Variants in KHDRBS2 observed in about 807,000 individuals in gnomAD.
KHDRBS2 encodes KH RNA binding domain containing, signal transduction associated 2, also known as KH domain-containing, RNA-binding, signal transduction-associated protein 2.
A neutral mutation model predicts 44.3 loss-of-function variants in KHDRBS2; 26 were observed. That is an observed-to-expected ratio of 0.59 (90% CI 0.43 to 0.81). KHDRBS2 has a LOEUF of 0.81. Among genes scored for constraint, KHDRBS2 ranks in the 40% least tolerant of loss-of-function variants. The pLI, the probability that KHDRBS2 is intolerant of heterozygous loss-of-function variation, is 0.00. For synonymous variants in KHDRBS2, 194 were observed against 151.1 expected (o/e 1.28, Z -2.08); for missense variants, 476 against 433.1 (o/e 1.10, Z -0.88).
At chr6:62,082,332 T>TGTGTGC (rs1797562408) in intron 2 of KHDRBS2, among the ~76,000 whole-genome samples, 1 of 151,830 alleles carries the variant, frequency 6.6e-6, no homozygotes, top group Admixed American at 6.6e-5. Flanking sequence ...TGTGTGTGTG[T>TGTGTGC]GTGTGTGAAC....
At chr6:62,157,619 G>T (rs147426638) in intron 2 of KHDRBS2, among the ~76,000 whole-genome samples, 1 of 152,106 alleles carries the variant, frequency 6.6e-6, no homozygotes, top group African/African-American at 2.4e-5. Context: ...TGAGTCAGAG[G>T]TCTAATACAT....
intron 2 of KHDRBS2, among the ~76,000 whole-genome samples, chr6:62,115,125 T>G (rs1805908524): frequency 6.6e-6 from 1 of 152,162 alleles, no homozygotes; most frequent in Admixed American, 6.6e-5. Flanking sequence ...CACAAAGAAA[T>G]GTAAATTCTC....
At chr6:62,217,527 T>C (rs1042076703) in intron 1 of KHDRBS2, among the ~76,000 whole-genome samples, 6 of 151,834 alleles carry the variant, frequency 4.0e-5, no homozygotes, top group Non-Finnish European at 8.8e-5. Flanking sequence ...ATATGGTAAA[T>C]GTGATTTATA....
chr6:61,708,266 G>T (rs1199073176), intron 7 of KHDRBS2, among the ~76,000 whole-genome samples: 2 of 151,410 alleles, frequency 1.3e-5, no homozygotes, highest in African/African-American at 2.4e-5. Context: ...CACATTTTAA[G>T]TATAGGAATA....
intron 3 of KHDRBS2, among the ~76,000 whole-genome samples, chr6:62,041,797 CTT>C (rs1383017198): frequency 2.6e-5 from 4 of 151,988 alleles, no homozygotes; most frequent in African/African-American, 9.7e-5. Context: ...TAATATATAA[CTT>C]TGATTCAAAA....
chr6:61,773,137 G>C (rs1003751138), intron 6 of KHDRBS2, among the ~76,000 whole-genome samples: 2 of 151,122 alleles, frequency 1.3e-5, no homozygotes, highest in Admixed American at 1.3e-4. Context: ...ATGATTTATA[G>C]TCCTTTGGGT....
At chr6:62,019,810 T>C (rs1164244609) in intron 3 of KHDRBS2, among the ~76,000 whole-genome samples, 1 of 152,020 alleles carries the variant, frequency 6.6e-6, no homozygotes. Context: ...ATTGAGAATT[T>C]ATTTTTCTCT....
chr6:62,203,997 C>G (rs780110228), intron 1 of KHDRBS2, among the ~76,000 whole-genome samples: 49 of 152,230 alleles, frequency 3.2e-4, no homozygotes, highest in Middle Eastern at 3.4e-3. Flanking sequence ...CTGCCTTCCC[C>G]TCTGCTCCGC....
intron 6 of KHDRBS2, among the ~76,000 whole-genome samples, chr6:61,784,743 T>C (rs1783521449): frequency 6.6e-6 from 1 of 152,168 alleles, no homozygotes; most frequent in South Asian, 2.1e-4. Flanking sequence ...AAAAATGTTT[T>C]CTTAAAAAAT....
At chr6:62,234,540 G>A (rs1833401325) in intron 1 of KHDRBS2, among the ~76,000 whole-genome samples, 1 of 151,948 alleles carries the variant, frequency 6.6e-6, no homozygotes, top group Non-Finnish European at 1.5e-5. Context: ...TAAACAATGG[G>A]TTTAAAAATA....
intron 5 of KHDRBS2, among the ~76,000 whole-genome samples, chr6:61,898,444 A>G (rs1312847532): frequency 6.6e-6 from 1 of 152,004 alleles, no homozygotes; most frequent in East Asian, 1.9e-4. Context: ...ATTGTAACAT[A>G]TAATTACATA....
intron 3 of KHDRBS2, among the ~76,000 whole-genome samples, chr6:61,998,505 T>C (rs1777639220): frequency 6.6e-6 from 1 of 152,114 alleles, no homozygotes; most frequent in Non-Finnish European, 1.5e-5. Context: ...GGGCCAAACA[T>C]GCCAAATTTC....
intron 2 of KHDRBS2, among the ~76,000 whole-genome samples, chr6:62,052,756 C>T: frequency 6.6e-6 from 1 of 152,002 alleles, no homozygotes; most frequent in South Asian, 2.1e-4. Flanking sequence ...GGGTTCCACT[C>T]CTGTGAGAAT....
chr6:61,827,352 T>C (rs1274343568), intron 6 of KHDRBS2, among the ~76,000 whole-genome samples: 1 of 152,162 alleles, frequency 6.6e-6, no homozygotes, highest in Non-Finnish European at 1.5e-5. Context: ...AGTGTTGCTC[T>C]TTGGGGAAGG....
intron 2 of KHDRBS2, among the ~76,000 whole-genome samples, chr6:62,145,872 T>C (rs1365426606): frequency 7.9e-5 from 12 of 151,916 alleles, no homozygotes. Context: ...AAATATTGTA[T>C]AAAATTACCT....
At chr6:61,639,098 A>G in the KHDRBS2 span, among the ~76,000 whole-genome samples, 2 of 152,150 alleles carry the variant, frequency 1.3e-5, no homozygotes, top group African/African-American at 4.8e-5. Flanking sequence ...GGAATACATA[A>G]ACAGTTTTTT....
At chr6:61,724,220 T>G (rs6940736) in intron 7 of KHDRBS2, among the ~76,000 whole-genome samples, 54,464 of 151,850 alleles carry the variant, frequency 0.36, 10,481 homozygotes, top group East Asian at 0.48. Context: ...CAAACTAAGC[T>G]TCATAAATGA....
intron 3 of KHDRBS2, among the ~76,000 whole-genome samples, chr6:61,984,305 T>C (rs1047914033): frequency 9.9e-5 from 15 of 152,214 alleles, no homozygotes; most frequent in African/African-American, 3.6e-4. Flanking sequence ...TCATATTTTA[T>C]AATTTTTAAC....
intron 4 of KHDRBS2, among the ~76,000 whole-genome samples, chr6:61,920,874 G>C (rs759058932): frequency 1.3e-4 from 19 of 151,944 alleles, no homozygotes; most frequent in Non-Finnish European, 2.4e-4. Flanking sequence ...AGAGGGCAAA[G>C]TAAAATGCTT....
Sources: allele counts gnomAD v4.1 joint callset (sites outside exome capture counted in the v4.1 genomes callset), GRCh38; gene constraint gnomAD v4.1.1; transcripts MANE v1.5; gene names NCBI Gene and HGNC (gene_info 2026-07-23, HGNC 2026-07-21).